The following PSD3 variants were observed in gnomAD, a reference collection of about 807,000 sequenced individuals.
The protein encoded by PSD3 is PH and SEC7 domain-containing protein 3.
A neutral mutation model predicts 105.5 loss-of-function variants in PSD3; 49 were observed. The observed-to-expected ratio is 0.46, with a 90% confidence interval of 0.37 to 0.59. The LOEUF (loss-of-function observed/expected upper bound fraction) is 0.59, where lower values mean the gene tolerates loss of function less well. Ranked by LOEUF, PSD3 falls within the 20% of genes least tolerant of loss-of-function variation. The probability of loss-of-function intolerance (pLI) is 0.00; values close to 1 mark genes in which losing one functional copy is unlikely to be tolerated. For synonymous variants in PSD3, 557 were observed against 457.8 expected, an observed-to-expected ratio of 1.22 and a Z score of -2.77; for missense variants, 1,561 against 1,263.8, an observed-to-expected ratio of 1.24 and a Z score of -3.57.
upstream of PSD3, among the ~76,000 whole-genome samples, chr8:19,017,255 G>C (rs994608165): frequency 4.6e-5 from 7 of 151,844 alleles, no homozygotes; most frequent in African/African-American, 1.2e-4. Context: ...TCCCTATATG[G>C]CTAGGCTAGT....
At chr8:18,707,085 C>CA (rs1341858145) in intron 9 of PSD3, among the ~76,000 whole-genome samples, 1 of 152,138 alleles carries the variant, frequency 6.6e-6, no homozygotes, top group Non-Finnish European at 1.5e-5. Context: ...CGCTTATTCC[C>CA]ATTCAGCTGC....
intron 2 of PSD3, among the ~76,000 whole-genome samples, chr8:18,873,623 AC>A (rs1419820084): frequency 6.6e-6 from 1 of 152,184 alleles, no homozygotes; most frequent in African/African-American, 2.4e-5. Flanking sequence ...TTTCAAGTAT[AC>A]AATACATTGT....
chr8:18,745,191 A>G (rs1046215287), intron 9 of PSD3, among the ~76,000 whole-genome samples: 1 of 152,158 alleles, frequency 6.6e-6, no homozygotes, highest in African/African-American at 2.4e-5. Flanking sequence ...CCTGGGAGAG[A>G]TACTTTGAGA....
chr8:19,030,261 G>A (rs1827718537), intron 1 of PSD3, among the ~76,000 whole-genome samples: 1 of 152,030 alleles, frequency 6.6e-6, no homozygotes, highest in Non-Finnish European at 1.5e-5. Context: ...TGTAATTTTG[G>A]TGAATTACAC....
chr8:19,019,553 T>C (rs1207684360), intron 1 of PSD3, among the ~76,000 whole-genome samples: 1 of 152,180 alleles, frequency 6.6e-6, no homozygotes, highest in Non-Finnish European at 1.5e-5. Context: ...ACTGATATAT[T>C]AGAATACAGA....
intron 11 of PSD3, among the ~76,000 whole-genome samples, chr8:18,627,789 C>T (rs1209223135): frequency 6.9e-6 from 1 of 145,304 alleles, no homozygotes; most frequent in Non-Finnish European, 1.5e-5. Context: ...TCAAAAATTA[C>T]AAGGAATGCA....
chr8:18,568,014 T>C (rs982422702), intron 14 of PSD3, among the ~76,000 whole-genome samples: 3 of 152,222 alleles, frequency 2.0e-5, no homozygotes, highest in Admixed American at 2.0e-4. Flanking sequence ...AGCCTGGCAC[T>C]TTCCCTTCCT....
At chr8:18,926,267 G>A (rs1256419978) in intron 2 of PSD3, among the ~76,000 whole-genome samples, 1 of 151,794 alleles carries the variant, frequency 6.6e-6, no homozygotes, top group Admixed American at 6.6e-5. Flanking sequence ...TCTGCATTCT[G>A]ATGATTCAGC....
upstream of PSD3, among the ~76,000 whole-genome samples, chr8:19,017,087 C>G (rs61338965): frequency 0.21 from 31,061 of 146,860 alleles, 3,421 homozygotes; most frequent in Non-Finnish European, 0.23. Context: ...GTATCTCACT[C>G]CATTGACCAG....
chr8:18,742,276 C>T (rs1804634165), intron 9 of PSD3, among the ~76,000 whole-genome samples: 1 of 151,930 alleles, frequency 6.6e-6, no homozygotes, highest in South Asian at 2.1e-4. Flanking sequence ...AGAAACAAAC[C>T]AACCAACCAA....
intron 15 of PSD3, among the ~76,000 whole-genome samples, chr8:18,536,718 C>A (rs189058165): frequency 1.0e-3 from 155 of 152,132 alleles, no homozygotes; most frequent in African/African-American, 3.5e-3. Context: ...TCTTGGATAT[C>A]TAAGATTTTT....
chr8:18,559,923 G>A (rs1048597097), intron 14 of PSD3, among the ~76,000 whole-genome samples: 1 of 152,122 alleles, frequency 6.6e-6, no homozygotes, highest in African/African-American at 2.4e-5. Context: ...AGTCATTTAG[G>A]CTATATTTTT....
At chr8:18,942,084 A>G (rs1822583102) in intron 1 of PSD3, among the ~76,000 whole-genome samples, 1 of 152,266 alleles carries the variant, frequency 6.6e-6, no homozygotes. Flanking sequence ...TGATTTGGGA[A>G]GGGAATGATG....
At chr8:19,061,541 C>T (rs1394336522) in intron 1 of PSD3, among the ~76,000 whole-genome samples, 1 of 151,864 alleles carries the variant, frequency 6.6e-6, no homozygotes, top group Non-Finnish European at 1.5e-5. Context: ...GGTGCGGAGG[C>T]TCACGCCTGT....
chr8:18,983,007 G>C (rs1288251244), intron 1 of PSD3, among the ~76,000 whole-genome samples: 1 of 152,226 alleles, frequency 6.6e-6, no homozygotes, highest in Non-Finnish European at 1.5e-5. Flanking sequence ...ATAGAAGGCT[G>C]TTTTGTCTAC....
chr8:18,918,604 C>A (rs6999221), intron 2 of PSD3, among the ~76,000 whole-genome samples: 1 of 151,988 alleles, frequency 6.6e-6, no homozygotes, highest in Non-Finnish European at 1.5e-5. Context: ...ACTTGACATA[C>A]TAATAAACAA....
chr8:18,719,777 T>C (rs916033152), intron 9 of PSD3, among the ~76,000 whole-genome samples: 10 of 152,204 alleles, frequency 6.6e-5, no homozygotes, highest in Non-Finnish European at 1.3e-4. Context: ...ATCTATTCTT[T>C]AGAGCTGGTT....
At chr8:18,787,706 A>G (rs186756556) in intron 8 of PSD3, among the ~76,000 whole-genome samples, 3 of 152,268 alleles carry the variant, frequency 2.0e-5, no homozygotes, top group Admixed American at 2.0e-4. Context: ...CTTTCTTATG[A>G]TAAAAAGATG....
chr8:18,758,056 T>C (rs932624518), intron 9 of PSD3, among the ~76,000 whole-genome samples: 4 of 152,120 alleles, frequency 2.6e-5, no homozygotes, highest in African/African-American at 7.2e-5. Context: ...TCACAGGCAG[T>C]TGTAAGAAAA....
Sources: gnomAD v4.1 joint callset for allele counts (sites outside exome capture counted in the v4.1 genomes callset) on GRCh38, gnomAD v4.1.1 for gene constraint, MANE v1.5 for transcripts, NCBI Gene and HGNC (gene_info 2026-07-23, HGNC 2026-07-21) for gene names.